SLC6A20: variants seen among roughly 807,000 people sequenced by gnomAD.
SLC6A20 encodes sodium- and chloride-dependent transporter XTRP3.
Under a neutral mutation model 64.3 loss-of-function variants are expected in SLC6A20, and 73 were observed. The ratio of observed to expected loss-of-function variants is 1.14; its 90% confidence interval spans 0.94 to 1.38. The LOEUF is 1.38. Among genes scored for constraint, SLC6A20 ranks in the 40% most tolerant of loss-of-function variants. The probability of loss-of-function intolerance (pLI) is 0.00; values close to 1 mark genes in which losing one functional copy is unlikely to be tolerated. For missense variants in SLC6A20, 725 were observed against 772.8 expected (o/e 0.94, Z 0.73); for synonymous variants, 347 against 329.6 (o/e 1.05, Z -0.57).
intron 1 of SLC6A20, among the ~76,000 whole-genome samples, chr3:45,789,888 GGCCCTTT>G (rs1559572916): frequency 6.6e-6 from 1 of 151,916 alleles, no homozygotes; most frequent in African/African-American, 2.4e-5. Flanking sequence ...CTCCACACCC[GGCCCTTT>G]TACACAATTT....
intron 1 of SLC6A20, among the ~76,000 whole-genome samples, chr3:45,790,849 C>T (rs1366335062): frequency 6.6e-6 from 1 of 152,230 alleles, no homozygotes; most frequent in Non-Finnish European, 1.5e-5. Flanking sequence ...CCAGTTTCCT[C>T]TCCTGCCATT....
chr3:45,773,788 C>T (rs975419456), intron 4 of SLC6A20, among the ~76,000 whole-genome samples: 1 of 152,158 alleles, frequency 6.6e-6, no homozygotes, highest in African/African-American at 2.4e-5. Context: ...CAGGGGACGG[C>T]AGGTGGAATG....
In SLC6A20 at chr3:45,758,900, G is replaced by A. The variant is rs1445529244; in HGVS notation, c.*78C>T. On this transcript the variant is annotated 3_prime_UTR_variant, in exon 11 of 11. Coordinates refer to ENST00000358525, the MANE Select transcript of SLC6A20 (RefSeq NM_020208.4). ...GATGGGCTGAGCACTCCTGGCTTAA[G>A]CATTTGAAAAAGCAGCCGAGGAGTT... The A allele has an allele frequency of 6.7e-7, 1 of 1,499,882 alleles. No individual in the cohort carries two copies. Among genetic ancestry groups the A allele is most frequent in the African/African-American group, 1.4e-5 (1 of 71,474 alleles). 92.9% of individuals were successfully genotyped at this position (1,499,882 alleles called of 1,614,324 possible).
At chr3:45,779,537 A>T (rs1420604994) in intron 3 of SLC6A20, among the ~76,000 whole-genome samples, 2 of 152,216 alleles carry the variant, frequency 1.3e-5, no homozygotes, top group Non-Finnish European at 2.9e-5. Context: ...GAAGAGGCTC[A>T]GGCTGGAGTC....
At chr3:45,795,374 C>G (rs1575440750) in intron 1 of SLC6A20, among the ~76,000 whole-genome samples, 1 of 152,022 alleles carries the variant, frequency 6.6e-6, no homozygotes, top group East Asian at 1.9e-4. Context: ...CGAAGAGCAA[C>G]CTTGAATGGA....
rs368666936 is a variant in SLC6A20, at chr3:45,760,005, T to C, written c.1481A>G (p.Lys494Arg). ...YGLRRFESDL[K>R]AMTGRAVSWY... ...GCTCACAGCTCGGCCGGTCATGGCC[T>C]TAAGGTCACTTTCAAATCTATTTGG... is the stretch of plus-strand genomic sequence containing the variant. Residue 494 changes from lysine (K) to arginine (R), a missense_variant, in exon 10 of 11, where the codon AAG (lysine) becomes AGG (arginine). By Grantham distance (26) the Lys-to-Arg change is conservative (BLOSUM62 2). Coordinates refer to ENST00000358525, the MANE Select transcript of SLC6A20 (RefSeq NM_020208.4). 1.2e-6 allele frequency: 2 copies of C among 1,610,994 alleles called. No homozygotes were observed. Among genetic ancestry groups the C allele is most frequent in the Non-Finnish European group, 1.7e-6 (2 of 1,179,024 alleles).
intron 1 of SLC6A20, among the ~76,000 whole-genome samples, chr3:45,795,652 G>T (rs1269994592): frequency 6.6e-6 from 1 of 152,192 alleles, no homozygotes; most frequent in Non-Finnish European, 1.5e-5. Context: ...CCAGCTTTCC[G>T]CAACGCTAGG....
intron 3 of SLC6A20, among the ~76,000 whole-genome samples, chr3:45,776,646 C>T (rs1393203731): frequency 1.3e-5 from 2 of 152,178 alleles, no homozygotes; most frequent in East Asian, 1.9e-4. Context: ...AGCTTCCAAA[C>T]CCAATGTACA....
intron 8 of SLC6A20, among the ~76,000 whole-genome samples, chr3:45,763,602 C>T (rs1475360347): frequency 6.6e-6 from 1 of 152,190 alleles, no homozygotes; most frequent in African/African-American, 2.4e-5. Context: ...ACTTGCAATG[C>T]GTTGGACCCT....
intron 1 of SLC6A20, among the ~76,000 whole-genome samples, chr3:45,785,796 G>C (rs1700161135): frequency 6.6e-6 from 1 of 152,196 alleles, no homozygotes; most frequent in Admixed American, 6.5e-5. Context: ...ACACTGTGAG[G>C]CTGGGCTGGC....
intron 9 of SLC6A20, among the ~76,000 whole-genome samples, chr3:45,762,099 C>G (rs944854285): frequency 6.6e-6 from 1 of 152,322 alleles, no homozygotes; most frequent in South Asian, 2.1e-4. Context: ...GTGCCTCAGG[C>G]CCCCTGGACA....
At chr3:45,781,782 T>TA (rs1700089248) in intron 2 of SLC6A20, among the ~76,000 whole-genome samples, 1 of 152,150 alleles carries the variant, frequency 6.6e-6, no homozygotes, top group African/African-American at 2.4e-5. Context: ...GACTTGGAGT[T>TA]ACAGCTGTTT....
At chr3:45,777,633 C>T (rs13316599) in intron 3 of SLC6A20, among the ~76,000 whole-genome samples, 2,527 of 152,300 alleles carry the variant, frequency 0.017, 77 homozygotes, top group African/African-American at 0.057. Flanking sequence ...CTGAATGATG[C>T]GGGTGCAGGG....
intron 5 of SLC6A20, 117 bp from the exon 6 acceptor site, chr3:45,771,575 CA>C: frequency 2.4e-5 from 36 of 1,506,386 alleles, no homozygotes; most frequent in Non-Finnish European, 2.9e-5. Flanking sequence ...ACGCAGCCAT[CA>C]GGGGCACCCC....
At chr3:45,772,812 G>A (rs1444829841) in intron 4 of SLC6A20, among the ~76,000 whole-genome samples, 197 bp from the exon 5 acceptor site, 1 of 152,038 alleles carries the variant, frequency 6.6e-6, no homozygotes, top group Non-Finnish European at 1.5e-5. Context: ...GGATGTGGTT[G>A]CTCACAGCTG....
chr3:45,781,191 G>T (rs1267964137), intron 2 of SLC6A20, among the ~76,000 whole-genome samples: 4 of 150,296 alleles, frequency 2.7e-5, no homozygotes, highest in African/African-American at 9.8e-5. Flanking sequence ...TTGCACTCCA[G>T]CCTGGGCAAT....
intron 1 of SLC6A20, among the ~76,000 whole-genome samples, chr3:45,788,843 A>G (rs1700207055): frequency 6.6e-6 from 1 of 152,186 alleles, no homozygotes; most frequent in Non-Finnish European, 1.5e-5. Flanking sequence ...ACTGCATCCA[A>G]CCAGTGTTGG....
intron 1 of SLC6A20, among the ~76,000 whole-genome samples, chr3:45,782,978 T>A (rs1403530884): frequency 6.6e-6 from 1 of 152,246 alleles, no homozygotes; most frequent in Non-Finnish European, 1.5e-5. Context: ...GTTAAATATG[T>A]CAGACATCAT....
At chr3:45,771,597 G>C (rs1699869854) in intron 5 of SLC6A20, 139 bp from the exon 6 acceptor site, 1 of 1,354,368 alleles carries the variant, frequency 7.4e-7, no homozygotes, top group Non-Finnish European at 9.9e-7. Context: ...TAGGGCTGGA[G>C]ACCAGCTCTC....
Sources: gnomAD v4.1 joint callset for allele counts (sites outside exome capture counted in the v4.1 genomes callset) on GRCh38, gnomAD v4.1.1 for gene constraint, MANE v1.5 for transcripts, NCBI Gene and HGNC (gene_info 2026-07-23, HGNC 2026-07-21) for gene names.